Variants in SLC35G3 observed in about 807,000 individuals in gnomAD.
SLC35G3 encodes the protein acyl-malonyl-condensing enzyme 1.
Under a neutral mutation model 17.9 loss-of-function variants are expected in SLC35G3, and 10 were observed. The observed-to-expected ratio is 0.56, with a 90% CI of 0.34 to 0.95. The LOEUF is 0.95. SLC35G3 is among the 40% of genes least tolerant of loss of function. SLC35G3 has a pLI of 0.02. For missense variants in SLC35G3, 384 were observed against 433.6 expected (o/e 0.89, Z 1.02); for synonymous variants, 208 against 197.7 (o/e 1.05, Z -0.44).
rs2142631859 is a variant in SLC35G3 at position 35,192,785 on chromosome 17, T to TC, written c.*505_*506insG. The TC allele has an allele frequency of 6.1e-6, 1 of 162,800 alleles. No individual in the cohort carries two copies. The highest frequency in any genetic ancestry group is 1.8e-4 in the East Asian group (1 of 5,500). 10.1% of individuals were successfully genotyped at this position (162,800 alleles called of 1,614,324 possible). A position where few individuals can be genotyped will look rare whatever the true frequency, so the allele number is the denominator to read the frequency against. On this transcript the variant is annotated 3_prime_UTR_variant, in exon 1 of 1. Transcript: ENST00000297307. ...AGAAATGTCTATTCAGGTATCTTTT[T>TC]TTTTTTTTTTCACATTCACTGTAAT...
rs2092337185 is a variant in SLC35G3 at position 35,194,172 on chromosome 17, C to T, written c.136G>A (p.Gly46Ser). 10 of 1,613,448 alleles carry T rather than the reference C, an allele frequency of 6.2e-6. No individual in the cohort carries two copies. The highest frequency in any genetic ancestry group is 8.5e-6 in the Non-Finnish European group (10 of 1,179,926). The change falls in exon 1 of 1, where the codon GGT (glycine) becomes AGT (serine). Residue 46 changes from glycine (G) to serine (S), a missense_variant. Transcript: ENST00000297307. Reference sequence around the variant, plus strand: ...ACGAAGCCAGCAGGCAGGCCCCCACCCAGCAGGGCCACCAGCAGGCCACTG... The same window carrying T: ...ACGAAGCCAGCAGGCAGGCCCCCACTCAGCAGGGCCACCAGCAGGCCACTG... ...ATSGLLVALL[G>S]GGLPAGFVGP...
Position 35,193,768 on chromosome 17 carries a change from T to C in SLC35G3, c.540A>G (p.Leu180=). The C allele has an allele frequency of 6.2e-7, 1 of 1,612,156 alleles. No individual in the cohort carries two copies. Among genetic ancestry groups the C allele is most frequent in the South Asian group, 1.1e-5 (1 of 90,972 alleles). ...TGTAGACACCCGTGGTCCCCTCCTG[T>C]AGTGTCCAGAGTCCAGGTCCCACAA... is the stretch of plus-strand genomic sequence containing the variant. ...IIIVGPGLWT[L]QEGTTGVYTA... Residue 180 remains leucine (L), a synonymous_variant, in exon 1 of 1, where the codon CTA becomes CTG. Transcript: ENST00000297307.
At position 35,193,743 on chromosome 17, in the gene SLC35G3, T is replaced by C. The variant is rs150984652; in HGVS notation, c.565A>G (p.Thr189Ala). The change falls in exon 1 of 1, where the codon ACC becomes GCC. Residue 189 changes from threonine (T) to alanine (A), a missense_variant. Physicochemically the swap from Thr to Ala is moderately conservative, Grantham distance 58. Coordinates refer to ENST00000297307, the MANE Select transcript of SLC35G3 (RefSeq NM_152462.2). The stretch of plus-strand genomic sequence containing the variant: ...AAAGCCTCCACATAGCCCAGGGCGG[T>C]GTAGACACCCGTGGTCCCCTCCTGT... ...TLQEGTTGVYTALGYVEAFLG... is the reference protein window; with the variant it reads ...TLQEGTTGVYAALGYVEAFLG... 1.2e-6 allele frequency: 2 copies of C among 1,612,138 alleles called. No homozygotes were observed. Among genetic ancestry groups the C allele is most frequent in the African/African-American group, 1.3e-5 (1 of 74,918 alleles).
rs1329712576 is a variant in SLC35G3 at position 35,193,852 on chromosome 17, C to G, written c.456G>C (p.Gln152His). The change falls in exon 1 of 1, where the codon CAG becomes CAC. Residue 152 changes from glutamine (Q) to histidine (H), a missense_variant. Transcript: ENST00000297307. ...CACACCAGTCGTAGCCACTGAGACC[C>G]TGGCTCTCAAGGCAGAGAGTGAGGA... is the stretch of plus-strand genomic sequence containing the variant. ...SAVLTLCLESQGLSGYDWCGL... is the reference protein window; with the variant it reads ...SAVLTLCLESHGLSGYDWCGL... 1.2e-6 allele frequency: 2 copies of G among 1,613,916 alleles called. No homozygotes were observed. Among genetic ancestry groups the G allele is most frequent in the Non-Finnish European group, 1.7e-6 (2 of 1,179,890 alleles).
rs141130647 is a variant in SLC35G3 at position 35,193,136 on chromosome 17, C to A, written c.*155G>T. ...GCTGGCCCCAGGTCTTCCACGTAGT[C>A]CCTCTCCACCAAGTCCCCAAGTCAC... On this transcript the variant is annotated 3_prime_UTR_variant, in exon 1 of 1. Transcript: ENST00000297307. 1,457 of 1,403,348 alleles carry A rather than the reference C, an allele frequency of 1.0e-3. 16 individuals carry two copies. Among genetic ancestry groups the A allele is most frequent in the Non-Finnish European group, 7.6e-5 (78 of 1,032,678 alleles). The allele number at this position is 1,403,348 out of a possible 1,614,324, so 86.9% of individuals were successfully genotyped here.
rs2142632252 is a variant in SLC35G3 at position 35,193,077 on chromosome 17, G to C, written c.*214C>G. ...CCCCTTAGTTATGCCCTGATTCTAG[G>C]ACCCAGCCTGGACTCCACATCCCTT... On this transcript the variant is annotated 3_prime_UTR_variant, in exon 1 of 1. Coordinates refer to ENST00000297307, the MANE Select transcript of SLC35G3 (RefSeq NM_152462.2). The C allele has an allele frequency of 2.3e-6, 2 of 872,866 alleles. No homozygotes were observed. The highest frequency in any genetic ancestry group is 7.0e-4 in the Middle Eastern group (2 of 2,840). The allele number at this position is 872,866 out of a possible 1,614,324, so 54.1% of individuals were successfully genotyped here.
rs764321753 is a variant in SLC35G3, at chr17:35,193,493, T to G, written c.815A>C (p.Tyr272Ser). ...GGCAGGGTGGGCCTTGGTGACCGCA[T>G]AGCCCACACATGTGAAGGAGACCAA... Reference protein sequence around the residue: ...LALVSFTCVGYAVTKAHPALV... With the variant: ...LALVSFTCVGSAVTKAHPALV... Residue 272 changes from tyrosine (Y) to serine (S), a missense_variant, in exon 1 of 1, where the codon TAT becomes TCT. By Grantham distance (144) the Tyr-to-Ser change is moderately radical. Transcript: ENST00000297307. 11 of 1,611,834 alleles carry G rather than the reference T, an allele frequency of 6.8e-6. No homozygotes were observed. Among genetic ancestry groups the G allele is most frequent in the Non-Finnish European group, 7.6e-6 (9 of 1,179,844 alleles).
At position 35,193,878 on chromosome 17, in the gene SLC35G3, C is replaced by G. The variant is rs765407465; in HGVS notation, c.430G>C (p.Val144Leu). The part of the protein sequence containing the change: ...RKGSSTVCSA[V>L]LTLCLESQGL... The stretch of plus-strand genomic sequence containing the variant: ...TGGCTCTCAAGGCAGAGAGTGAGGA[C>G]GGCGGAGCAGACGGTGGAAGAACCT... The change falls in exon 1 of 1, where the codon GTC becomes CTC. Residue 144 changes from valine to leucine, a missense_variant. Val to Leu is a conservative substitution (Grantham distance 32). Transcript: ENST00000297307. The G allele has an allele frequency of 6.2e-7, 1 of 1,613,978 alleles. No homozygotes were observed. The highest frequency in any genetic ancestry group is 2.2e-5 in the East Asian group (1 of 44,882).
At position 35,194,310 on chromosome 17, in the gene SLC35G3, T is replaced by C; in HGVS notation, c.-3A>G. Reference sequence around the variant, plus strand: ...AAATAGGGGTGACTGCCAGCCATCTTTCCTTGGACTTTCTCCTCTCCTCCT... The same window carrying C: ...AAATAGGGGTGACTGCCAGCCATCTCTCCTTGGACTTTCTCCTCTCCTCCT... On this transcript the variant is annotated 5_prime_UTR_variant, in exon 1 of 1. Coordinates refer to ENST00000297307, the MANE Select transcript of SLC35G3 (RefSeq NM_152462.2). 6.2e-7 allele frequency: 1 copy of C among 1,604,384 alleles called. No individual in the cohort carries two copies. Among genetic ancestry groups the C allele is most frequent in the African/African-American group, 1.3e-5 (1 of 74,760 alleles).
At position 35,194,132 on chromosome 17, in the gene SLC35G3, C is replaced by T. The variant is rs369686909; in HGVS notation, c.176G>A (p.Arg59His). ...LPAGFVGPLS[R>H]MAYQASNLPS... ...CAGGTTGGAAGCCTGGTAAGCCATA[C>T]GAGAAAGGGGGCCCACGAAGCCAGC... is the stretch of plus-strand genomic sequence containing the variant. Residue 59 changes from arginine to histidine, a missense_variant, in exon 1 of 1, where the codon CGT becomes CAT. Transcript: ENST00000297307. 3.5e-5 allele frequency: 56 copies of T among 1,613,674 alleles called. No homozygotes were observed. Among genetic ancestry groups the T allele is most frequent in the East Asian group, 4.5e-5 (2 of 44,872 alleles).
rs544503529 is a variant in SLC35G3, at chr17:35,192,680, C to T, written c.*611G>A. 1.2e-5 allele frequency: 2 copies of T among 161,326 alleles called. No individual in the cohort carries two copies. Among genetic ancestry groups the T allele is most frequent in the African/African-American group, 4.8e-5 (2 of 41,460 alleles). 10.0% of individuals were successfully genotyped at this position (161,326 alleles called of 1,614,324 possible). ...CACTCTTTTATATCCAATGACTTTA[C>T]AAAAAATCATTTACAAAGAAGTGAC... On this transcript the variant is annotated 3_prime_UTR_variant, in exon 1 of 1. Transcript: ENST00000297307.
Position 35,194,127 on chromosome 17 carries a change from C to T in SLC35G3, c.181G>A (p.Ala61Thr), listed in dbSNP as rs775558123. 4 of 1,613,662 alleles carry T rather than the reference C, an allele frequency of 2.5e-6. No homozygotes were observed. The South Asian group carries it at 4.4e-5, about 18-fold the overall frequency. ...GAGGGCAGGTTGGAAGCCTGGTAAG[C>T]CATACGAGAAAGGGGGCCCACGAAG... Reference protein sequence around the residue: ...AGFVGPLSRMAYQASNLPSLE... With the variant: ...AGFVGPLSRMTYQASNLPSLE... The change falls in exon 1 of 1, where the codon GCT becomes ACT. Residue 61 changes from alanine to threonine, a missense_variant. Coordinates refer to ENST00000297307, the MANE Select transcript of SLC35G3 (RefSeq NM_152462.2).
Position 35,193,977 on chromosome 17 carries a change from T to C in SLC35G3, c.331A>G (p.Asn111Asp), listed in dbSNP as rs780157546. Residue 111 changes from asparagine to aspartate, a missense_variant, in exon 1 of 1, where the codon AAC becomes GAC. By Grantham distance (23) the Asn-to-Asp change is conservative. Coordinates refer to ENST00000297307, the MANE Select transcript of SLC35G3 (RefSeq NM_152462.2). ...TAGGCACATCCAATGCTGAGGATGT[T>C]GAGCAGGGCACAGAAGAAGGCCCGG... ...RSRAFFCALL[N>D]ILSIGCAYSA... 1 of 1,613,976 alleles carries C rather than the reference T, an allele frequency of 6.2e-7. No individual in the cohort carries two copies. The highest frequency in any genetic ancestry group is 8.5e-7 in the Non-Finnish European group (1 of 1,179,852).
In SLC35G3 at chr17:35,193,622, A is replaced by C. The variant is rs750694598; in HGVS notation, c.686T>G (p.Val229Gly). Residue 229 changes from valine (V) to glycine (G), a missense_variant, in exon 1 of 1, where the codon GTG (valine) becomes GGG (glycine). Coordinates refer to ENST00000297307, the MANE Select transcript of SLC35G3 (RefSeq NM_152462.2). ...GCCTGGCACAGAGCCCAGCAGCCCC[A>C]CCAAGCCAGATAGGAAGGCCACTGT... ...LPTVAFLSGL[V>G]GLLGSVPGLF... is the part of the protein sequence containing the mutation. 1.9e-6 allele frequency: 3 copies of C among 1,612,056 alleles called. No homozygotes were observed. In the South Asian group the frequency reaches 3.3e-5, roughly 18 times the overall value.
In SLC35G3 at chr17:35,192,802, C is replaced by A; in HGVS notation, c.*489G>T. ...TATCTTTTTTTTTTTTTTTCACATT[C>A]ACTGTAATCCTTGTTTGATGTCAAT... is the stretch of plus-strand genomic sequence containing the variant. On this transcript the variant is annotated 3_prime_UTR_variant, in exon 1 of 1. Transcript: ENST00000297307. 1 of 144,358 alleles carries A rather than the reference C, an allele frequency of 6.9e-6. No individual in the cohort carries two copies. Among genetic ancestry groups the A allele is most frequent in the Non-Finnish European group, 1.5e-5 (1 of 68,738 alleles). 8.9% of individuals were successfully genotyped at this position (144,358 alleles called of 1,614,324 possible).
chr17:35,193,359 G>A lies in SLC35G3; in HGVS notation c.949C>T (p.Leu317=), dbSNP rs749235924. The A allele has an allele frequency of 1.2e-5, 19 of 1,611,836 alleles. No homozygotes were observed. Among genetic ancestry groups the A allele is most frequent in the Non-Finnish European group, 1.2e-5 (14 of 1,179,856 alleles). ...GCTGTAATGATGGCAATGCTGCCCAGCACAACCCCTGCCGCCACGATGTCA... is the reference window on the plus strand; with the variant it reads ...GCTGTAATGATGGCAATGCTGCCCAACACAACCCCTGCCGCCACGATGTCA... ...PSDIVAAGVV[L]GSIAIITAQN... is the part of the protein sequence containing the mutation. The change falls in exon 1 of 1, where the codon CTG becomes TTG. Residue 317 remains leucine (L), a synonymous_variant. Coordinates refer to ENST00000297307, the MANE Select transcript of SLC35G3 (RefSeq NM_152462.2).
At position 35,193,327 on chromosome 17, in the gene SLC35G3, G is replaced by T. The variant is rs1597947124; in HGVS notation, c.981C>A (p.Asn327Lys). 2.5e-6 allele frequency: 4 copies of T among 1,611,972 alleles called. No individual in the cohort carries two copies. The highest frequency in any genetic ancestry group is 1.3e-5 in the African/African-American group (1 of 74,950). The change falls in exon 1 of 1, where the codon AAC (asparagine) becomes AAA (lysine). Residue 327 changes from asparagine to lysine, a missense_variant. Transcript: ENST00000297307. ...CCCTCCCTGTCCTCTCACAGCTGAG[G>T]TTCTGGGCTGTAATGATGGCAATGC... ...LGSIAIITAQNLSCERTGRVE... is the reference protein window; with the variant it reads ...LGSIAIITAQKLSCERTGRVE...
rs1227376930 is a variant in SLC35G3, at chr17:35,193,654, G to A, written c.654C>T (p.Cys218=). 3.1e-6 allele frequency: 5 copies of A among 1,611,948 alleles called. No individual in the cohort carries two copies. The African/African-American group carries it at 6.7e-5, about 22-fold the overall frequency. The change falls in exon 1 of 1, where the codon TGC becomes TGT. Residue 218 remains cysteine, a synonymous_variant. Transcript: ENST00000297307. ...LVYRSLHFPP[C]LPTVAFLSGL... Reference sequence around the variant, plus strand: ...CAGATAGGAAGGCCACTGTTGGGAGGCAGGGGGGAAAGTGCAGAGAACGAT... The same window carrying A: ...CAGATAGGAAGGCCACTGTTGGGAGACAGGGGGGAAAGTGCAGAGAACGAT...
rs1054394400 is a variant in SLC35G3 at position 35,193,944 on chromosome 17, C to G, written c.364G>C (p.Val122Leu). 6.2e-6 allele frequency: 10 copies of G among 1,613,888 alleles called. No individual in the cohort carries two copies. The African/African-American group carries it at 1.3e-4, about 22-fold the overall frequency. ...GCGTTGCCAGCGGGCACCACCTGAA[C>G]CGCACTGTAGGCACATCCAATGCTG... ...ILSIGCAYSAVQVVPAGNAAT... is the reference protein window; with the variant it reads ...ILSIGCAYSALQVVPAGNAAT... The change falls in exon 1 of 1, where the codon GTT becomes CTT. Residue 122 changes from valine (V) to leucine (L), a missense_variant. Val to Leu is a conservative substitution (Grantham distance 32, BLOSUM62 1). Coordinates refer to ENST00000297307, the MANE Select transcript of SLC35G3 (RefSeq NM_152462.2).
Sources: gnomAD v4.1 joint callset for allele counts on GRCh38, gnomAD v4.1.1 for gene constraint, MANE v1.5 for transcripts, NCBI Gene and HGNC (gene_info 2026-07-23, HGNC 2026-07-21) for gene names.